Variants in ITPR2 observed in about 807,000 individuals in gnomAD.
ITPR2 encodes the protein inositol 1,4,5-trisphosphate receptor type 2, also known as inositol 1,4,5-trisphosphate-gated calcium channel ITPR2.
In ITPR2, 207 loss-of-function variants were observed where a neutral mutation model predicts 317.1. The observed-to-expected ratio is 0.65, with a 90% CI of 0.58 to 0.73. The LOEUF (loss-of-function observed/expected upper bound fraction) is 0.73. Among genes scored for constraint, ITPR2 ranks in the 30% least tolerant of loss-of-function variants. The probability of loss-of-function intolerance (pLI) is 0.00; values close to 1 mark genes in which losing one functional copy is unlikely to be tolerated. For synonymous variants in ITPR2, 1,156 were observed against 1,149.1 expected (o/e 1.01, Z -0.12); for missense variants, 2,613 against 3,284.0 (o/e 0.80, Z 4.99).
intron 48 of ITPR2, among the ~76,000 whole-genome samples, chr12:26,433,739 G>A (rs1941279602): frequency 6.6e-6 from 1 of 152,086 alleles, no homozygotes; most frequent in Non-Finnish European, 1.5e-5. Context: ...AGGGAATTCT[G>A]AGTGGGTATC....
chr12:26,686,417 T>C (rs1390678263), intron 11 of ITPR2, 64 bp downstream of exon 11: 1 of 1,068,286 alleles, frequency 9.4e-7, no homozygotes, highest in African/African-American at 1.6e-5. Context: ...ATATTATTAT[T>C]TTCATTCCTC....
At chr12:26,743,614 C>T (rs1165118163) in intron 2 of ITPR2, among the ~76,000 whole-genome samples, 1 of 152,130 alleles carries the variant, frequency 6.6e-6, no homozygotes, top group African/African-American at 2.4e-5. Flanking sequence ...ATGTCCAGGC[C>T]AGGTGCAGTG....
chr12:26,728,106 G>A (rs1948964144), intron 2 of ITPR2, among the ~76,000 whole-genome samples: 1 of 152,112 alleles, frequency 6.6e-6, no homozygotes, highest in South Asian at 2.1e-4. Context: ...CATGGAAAAC[G>A]CTGAACTCTT....
At chr12:26,381,299 T>C (rs1939502594) in intron 55 of ITPR2, among the ~76,000 whole-genome samples, 1 of 152,264 alleles carries the variant, frequency 6.6e-6, no homozygotes, top group South Asian at 2.1e-4. Flanking sequence ...TATCTTGGTA[T>C]ATCTTTCTGT....
At chr12:26,565,619 C>T (rs1414240162) in intron 34 of ITPR2, among the ~76,000 whole-genome samples, 1 of 151,662 alleles carries the variant, frequency 6.6e-6, no homozygotes, top group South Asian at 2.1e-4. Flanking sequence ...GGTGGAAATT[C>T]TCTGAAGCTT....
chr12:26,641,464 A>C (rs1259226708), intron 21 of ITPR2, among the ~76,000 whole-genome samples: 1 of 115,660 alleles, frequency 8.6e-6, no homozygotes, highest in Non-Finnish European at 1.9e-5. Context: ...TTTAAAGAAG[A>C]GAGAAAAAGA....
At chr12:26,490,252 C>T (rs1465554097) in intron 39 of ITPR2, among the ~76,000 whole-genome samples, 1 of 152,078 alleles carries the variant, frequency 6.6e-6, no homozygotes, top group Non-Finnish European at 1.5e-5. Context: ...ATGCAAAATG[C>T]CAAGTGGTAT....
intron 2 of ITPR2, among the ~76,000 whole-genome samples, chr12:26,784,906 TTCCCCGCCGCCATCCCATCTAGGAA>T: frequency 7.7e-5 from 5 of 65,268 alleles, no homozygotes; most frequent in Non-Finnish European, 1.8e-4. Flanking sequence ...GGAGCACCTC[TTCCCCGCCGCCATCCCATCTAGGAA>T]GTGAGGAGCG....
chr12:26,495,112 A>G, intron 38 of ITPR2, 40 bp downstream of exon 38: 1 of 1,021,592 alleles, frequency 9.8e-7, no homozygotes, highest in Non-Finnish European at 1.6e-6. Context: ...AAGATGTATC[A>G]TGAGAATCCT....
At chr12:26,684,276 C>A (rs1948086814) in intron 11 of ITPR2, among the ~76,000 whole-genome samples, 1 of 152,170 alleles carries the variant, frequency 6.6e-6, no homozygotes, top group South Asian at 2.1e-4. Context: ...AAACACTGGA[C>A]TCCACAGTGG....
At chr12:26,704,591 T>A (rs1948515778) in intron 9 of ITPR2, among the ~76,000 whole-genome samples, 2 of 135,658 alleles carry the variant, frequency 1.5e-5, no homozygotes. Flanking sequence ...TAAGACATGC[T>A]AGTTATTAAT....
chr12:26,804,777 C>T (rs143461413), intron 1 of ITPR2, among the ~76,000 whole-genome samples: 1 of 151,636 alleles, frequency 6.6e-6, no homozygotes, highest in African/African-American at 2.4e-5. Flanking sequence ...TCTCTGTCAC[C>T]CAGGCTGGAA....
Position 26,821,753 on chromosome 12 carries a change from T to C in ITPR2, c.92+10937A>G, listed in dbSNP as rs556243466. ...AGCTTTTGAGATCAAATAGTAAGAA[T>C]GAGGATAGCAAGGGATGCCTATAAA... On this transcript the variant is annotated intron_variant, in intron 1 of 56. Coordinates refer to ENST00000381340, the MANE Select transcript of ITPR2 (RefSeq NM_002223.4). Among the ~76,000 whole-genome samples, 4 of 152,320 alleles carry C rather than the reference T, an allele frequency of 2.6e-5. No individual in the cohort carries two copies. The East Asian group carries it at 7.7e-4, about 29-fold the overall frequency.
rs745514089 is a variant in ITPR2 at position 26,398,787 on chromosome 12, C to T, written c.7696+89G>A. The stretch of plus-strand genomic sequence containing the variant: ...AACCTTCATTTTGAAATAATTTTTC[C>T]GAAAGCATGAAAAATAAAAATCCCT... On this transcript the variant is annotated intron_variant, in intron 54 of 56. Coordinates refer to ENST00000381340, the MANE Select transcript of ITPR2 (RefSeq NM_002223.4). The T allele has an allele frequency of 5.6e-5, 62 of 1,113,398 alleles. No individual in the cohort carries two copies. The African/African-American group carries it at 5.9e-4, about 11-fold the overall frequency. The allele number at this position is 1,113,398 out of a possible 1,614,324, so 69.0% of individuals were successfully genotyped here. A position where few individuals can be genotyped will look rare whatever the true frequency, so the allele number is the denominator to read the frequency against.
chr12:26,734,341 G>A (rs1333620538), intron 2 of ITPR2, among the ~76,000 whole-genome samples: 1 of 152,150 alleles, frequency 6.6e-6, no homozygotes, highest in Non-Finnish European at 1.5e-5. Flanking sequence ...TAATGTGACA[G>A]TCCACGTTCT....
chr12:26,654,019 G>A lies in ITPR2; in HGVS notation c.2697C>T (p.Pro899=), dbSNP rs1210656231. The change falls in exon 21 of 57, where the codon CCC becomes CCT. Residue 899 remains proline (P), a synonymous_variant. Coordinates refer to ENST00000381340, the MANE Select transcript of ITPR2 (RefSeq NM_002223.4). The stretch of plus-strand genomic sequence containing the variant: ...TTAATCTTTCAAAGTATGATGACAT[G>A]GGGGCCTGTACAATGTCTAAAATAG... The part of the protein sequence containing the change: ...LLAILDIVQA[P]MSSYFERLSK... The A allele has an allele frequency of 6.2e-7, 1 of 1,610,390 alleles. No homozygotes were observed.
At chr12:26,570,659 C>T (rs1945135522) in intron 34 of ITPR2, among the ~76,000 whole-genome samples, 1 of 152,182 alleles carries the variant, frequency 6.6e-6, no homozygotes, top group African/African-American at 2.4e-5. Flanking sequence ...AAGTACCCAG[C>T]ATTAATTCCC....
intron 26 of ITPR2, among the ~76,000 whole-genome samples, chr12:26,615,374 G>C (rs1291294210): frequency 2.0e-5 from 3 of 152,104 alleles, no homozygotes; most frequent in Non-Finnish European, 4.4e-5. Flanking sequence ...AAAATATAGT[G>C]GCTGAAGTTT....
intron 37 of ITPR2, among the ~76,000 whole-genome samples, chr12:26,526,060 T>A (rs373348752): frequency 3.3e-5 from 5 of 152,176 alleles, no homozygotes; most frequent in East Asian, 1.9e-4. Context: ...GACGAGAAGG[T>A]CCCCTTTCTT....
Sources: allele counts gnomAD v4.1 joint callset (sites outside exome capture counted in the v4.1 genomes callset), GRCh38; gene constraint gnomAD v4.1.1; transcripts MANE v1.5; gene names NCBI Gene and HGNC (gene_info 2026-07-23, HGNC 2026-07-21).